Variants in NPAS1 observed in about 807,000 individuals in gnomAD.
NPAS1 encodes neuronal PAS domain-containing protein 1.
A neutral mutation model predicts 49.2 loss-of-function variants in NPAS1; 29 were observed. The observed-to-expected ratio is 0.59, with a 90% CI of 0.44 to 0.80. The LOEUF is 0.80. Among genes scored for constraint, NPAS1 ranks in the 30% least tolerant of loss-of-function variants. The pLI is 0.00. For missense variants in NPAS1, 825 were observed against 835.5 expected (o/e 0.99, Z 0.15); for synonymous variants, 408 against 380.4 (o/e 1.07, Z -0.84).
Position 47,039,136 on chromosome 19 carries a change from G to A in NPAS1, c.789G>A (p.Lys263=). ...TCACCAAGAGGGGGCTGCACGTCAA[G>A]GCCTCAGGGTACAAGGTGGGTGTGA... The part of the protein sequence containing the change: ...STLTKRGLHV[K]ASGYKVIHVT... Residue 263 remains lysine, a synonymous_variant, in exon 7 of 12, where the codon AAG becomes AAA. Transcript: ENST00000602212. 1.2e-6 allele frequency: 2 copies of A among 1,611,058 alleles called. No homozygotes were observed. The highest frequency in any genetic ancestry group is 1.3e-5 in the African/African-American group (1 of 75,034).
chr19:47,044,871 A>T (rs2057057708), intron 11 of NPAS1, among the ~76,000 whole-genome samples: 1 of 152,006 alleles, frequency 6.6e-6, no homozygotes, highest in African/African-American at 2.4e-5. Context: ...CTCTACTTAA[A>T]ATAGAAAAAT....
chr19:47,037,571 C>G lies in NPAS1; in HGVS notation c.688+1442C>G, dbSNP rs558036631. ...CTTCTCTCCAGTGGAAATTTCCACT[C>G]CCACTGTGTATGGGAGGGAGGGTGC... On this transcript the variant is annotated intron_variant, in intron 6 of 11. Transcript: ENST00000602212. 1.1e-4 allele frequency among the ~76,000 whole-genome samples: 16 copies of G among 152,134 alleles called. No homozygotes were observed. In the East Asian group the frequency reaches 2.9e-3, roughly 28 times the overall value.
At chr19:47,022,294 T>G (rs957758739) in intron 3 of NPAS1, among the ~76,000 whole-genome samples, 1 of 152,118 alleles carries the variant, frequency 6.6e-6, no homozygotes, top group African/African-American at 2.4e-5. Context: ...AGCCCCCAGT[T>G]GGAGGAGCAA....
At chr19:47,044,369 T>A (rs1431330861) in intron 11 of NPAS1, among the ~76,000 whole-genome samples, 2 of 141,612 alleles carry the variant, frequency 1.4e-5, no homozygotes, top group East Asian at 4.5e-4. Context: ...CACCATGCCC[T>A]GCAAAACAAA....
rs1450382865 is a variant in NPAS1, at chr19:47,045,711, G to A, written c.*60G>A. Reference sequence around the variant, plus strand: ...CAACCGGGGTCCCCCAGGACAGTAGGCCCGGCTCTGCCCGTAGCCCTGAGA... The same window carrying A: ...CAACCGGGGTCCCCCAGGACAGTAGACCCGGCTCTGCCCGTAGCCCTGAGA... On this transcript the variant is annotated 3_prime_UTR_variant, in exon 12 of 12. Transcript: ENST00000602212. The A allele has an allele frequency of 2.3e-6, 3 of 1,291,700 alleles. No individual in the cohort carries two copies. The highest frequency in any genetic ancestry group is 5.8e-5 in the East Asian group (2 of 34,278). 80.0% of individuals were successfully genotyped at this position (1,291,700 alleles called of 1,614,324 possible). A position where few individuals can be genotyped will look rare whatever the true frequency, so the allele number is the denominator to read the frequency against.
In NPAS1 at chr19:47,021,792, C is replaced by T; in HGVS notation, c.303C>T (p.Ala101=). 1 of 1,531,042 alleles carries T rather than the reference C, an allele frequency of 6.5e-7. No homozygotes were observed. Among genetic ancestry groups the T allele is most frequent in the Non-Finnish European group, 8.8e-7 (1 of 1,140,066 alleles). The allele number at this position is 1,531,042 out of a possible 1,614,324, so 94.8% of individuals were successfully genotyped here. A position where few individuals can be genotyped will look rare whatever the true frequency, so the allele number is the denominator to read the frequency against. The change falls in exon 3 of 12, where the codon GCC becomes GCT. Residue 101 remains alanine (A), a synonymous_variant. Coordinates refer to ENST00000602212, the MANE Select transcript of NPAS1 (RefSeq NM_002517.4). This position sits in a 1 kb window ranked among gnomAD's most constrained non-coding sequence, Gnocchi z 5.7. ...CCTACCTCCGCCTGCGCCGGTTCGC[C>T]GCGCTGGGGGCGCCGCCCTGGGGGC... ...SVTYLRLRRF[A]ALGAPPWGLR...
At position 47,032,348 on chromosome 19, in the gene NPAS1, G is replaced by A; in HGVS notation, c.429G>A (p.Leu143=). ...AGCAGCACCTGGGAGGTCACATCTT[G>A]CAGGTGAGTGAGGCCCCTTCCCTGC... The part of the protein sequence containing the change: ...VFEQHLGGHI[L]QSLDGFVFAL... Residue 143 remains leucine (L), a synonymous_variant, in exon 4 of 12, where the codon TTG becomes TTA. Coordinates refer to ENST00000602212, the MANE Select transcript of NPAS1 (RefSeq NM_002517.4). 6.2e-7 allele frequency: 1 copy of A among 1,614,008 alleles called. No homozygotes were observed.
At chr19:47,023,005 G>A (rs554899039) in intron 3 of NPAS1, among the ~76,000 whole-genome samples, 2 of 152,228 alleles carry the variant, frequency 1.3e-5, no homozygotes, top group African/African-American at 4.8e-5. Context: ...AGGAGAAGAG[G>A]GTGTCCTTAG....
rs2122486543 is a variant in NPAS1, at chr19:47,032,275, C to G, written c.359-3C>G. 6.2e-7 allele frequency: 1 copy of G among 1,613,758 alleles called. No homozygotes were observed. The highest frequency in any genetic ancestry group is 1.3e-5 in the African/African-American group (1 of 75,044). On this transcript the variant is annotated splice_polypyrimidine_tract_variant and splice_region_variant and intron_variant, in intron 3 of 11. Transcript: ENST00000602212. ...ACAGGCTTCATCCTTCCATCTGCCC[C>G]AGCCCCAGGCCGCCGCGGCCCCGCA...
At chr19:47,028,457 G>C (rs966638819) in intron 3 of NPAS1, among the ~76,000 whole-genome samples, 3 of 152,050 alleles carry the variant, frequency 2.0e-5, no homozygotes, top group Non-Finnish European at 2.9e-5. Flanking sequence ...GCGGGGTTTC[G>C]CCGCCTGGTG....
At chr19:47,034,980 G>T (rs1481997026) in intron 5 of NPAS1, among the ~76,000 whole-genome samples, 1 of 151,706 alleles carries the variant, frequency 6.6e-6, no homozygotes, top group Admixed American at 6.6e-5. Flanking sequence ...TCGGGAGTTT[G>T]AGACCAGCCT....
At chr19:47,028,020 C>A (rs2056884987) in intron 3 of NPAS1, among the ~76,000 whole-genome samples, 1 of 151,762 alleles carries the variant, frequency 6.6e-6, no homozygotes, top group Non-Finnish European at 1.5e-5. Flanking sequence ...GATCAGGAGA[C>A]TCTGGGGGTC....
chr19:47,029,525 G>A (rs528114683), intron 3 of NPAS1, among the ~76,000 whole-genome samples: 39 of 151,826 alleles, frequency 2.6e-4, no homozygotes, highest in South Asian at 1.9e-3. Flanking sequence ...TCAGCCTCCC[G>A]AATAGCTGGG....
chr19:47,028,680 G>A (rs1393071526), intron 3 of NPAS1, among the ~76,000 whole-genome samples: 1 of 152,126 alleles, frequency 6.6e-6, no homozygotes, highest in African/African-American at 2.4e-5. Context: ...CTGGTCCCAG[G>A]GCACACAGCC....
At chr19:47,024,007 A>C (rs12980167) in intron 3 of NPAS1, among the ~76,000 whole-genome samples, 53,717 of 151,862 alleles carry the variant, frequency 0.35, 10,603 homozygotes, top group East Asian at 0.58. Context: ...CCGGAGGCTA[A>C]GGCAGGGGAA....
chr19:47,039,279 C>CT lies in NPAS1; in HGVS notation c.805-127dup, dbSNP rs539478065. 5.2e-4 allele frequency: 770 copies of CT among 1,473,312 alleles called. 1 individual carries two copies. The highest frequency in any genetic ancestry group is 6.3e-4 in the Non-Finnish European group (679 of 1,080,188). The allele number at this position is 1,473,312 out of a possible 1,614,324, so 91.3% of individuals were successfully genotyped here. On this transcript the variant is annotated intron_variant, in intron 7 of 11. Transcript: ENST00000602212. ...TAGGGAACTGGGTCTGGGAATGGGA[C>CT]TGGGGGGGTCACACAGTGTCCAGTC... is the stretch of plus-strand genomic sequence containing the variant.
chr19:47,027,203 G>C (rs2056876643), intron 3 of NPAS1, among the ~76,000 whole-genome samples: 1 of 152,188 alleles, frequency 6.6e-6, no homozygotes, highest in South Asian at 2.1e-4. Flanking sequence ...GGGTGATGAA[G>C]CCCCAGCCTC....
rs535302822 is a variant in NPAS1, at chr19:47,035,047, G to A, written c.523-917G>A. ...AAATACAAAATTAGCCAGGTGTGTTGGCACATGCCTGTAATCCCAGCTTCT... is the reference window on the plus strand; with the variant it reads ...AAATACAAAATTAGCCAGGTGTGTTAGCACATGCCTGTAATCCCAGCTTCT... On this transcript the variant is annotated intron_variant, in intron 5 of 11. Transcript: ENST00000602212. Among the ~76,000 whole-genome samples the A allele has an allele frequency of 6.6e-5, 10 of 152,156 alleles. No homozygotes were observed. The South Asian group carries it at 2.1e-3, about 32-fold the overall frequency.
In NPAS1 at chr19:47,021,801, G is replaced by A. The variant is rs2056843749; in HGVS notation, c.312G>A (p.Gly104=). 8 of 1,529,292 alleles carry A rather than the reference G, an allele frequency of 5.2e-6. No homozygotes were observed. The highest frequency in any genetic ancestry group is 1.2e-5 in the South Asian group (1 of 82,090). The allele number at this position is 1,529,292 out of a possible 1,614,324, so 94.7% of individuals were successfully genotyped here. A position where few individuals can be genotyped will look rare whatever the true frequency, so the allele number is the denominator to read the frequency against. The change falls in exon 3 of 12, where the codon GGG becomes GGA. Residue 104 remains glycine (G), a synonymous_variant. Coordinates refer to ENST00000602212, the MANE Select transcript of NPAS1 (RefSeq NM_002517.4). This position sits in a 1 kb window ranked among gnomAD's most constrained non-coding sequence, Gnocchi z 5.7. ...GCCTGCGCCGGTTCGCCGCGCTGGG[G>A]GCGCCGCCCTGGGGGCTGAGAGCCG... The part of the protein sequence containing the change: ...YLRLRRFAAL[G]APPWGLRAAG...
Sources: gnomAD v4.1 joint callset for allele counts (sites outside exome capture counted in the v4.1 genomes callset) on GRCh38, gnomAD v4.1.1 for gene constraint, Gnocchi (gnomAD v3.1) non-coding constraint, MANE v1.5 for transcripts, NCBI Gene and HGNC (gene_info 2026-07-23, HGNC 2026-07-21) for gene names.